The following KCNG2 variants were observed in gnomAD, a reference collection of about 807,000 sequenced individuals.
KCNG2 encodes potassium voltage-gated channel modifier subfamily G member 2.
Under a neutral mutation model 12.3 loss-of-function variants are expected in KCNG2, and 7 were observed. The ratio of observed to expected loss-of-function variants is 0.57; its 90% CI spans 0.32 to 1.07. KCNG2 has a LOEUF of 1.07. Among genes scored for constraint, KCNG2 ranks in the 50% least tolerant of loss-of-function variants. The probability of loss-of-function intolerance (pLI) is 0.04; values close to 1 mark genes in which losing one functional copy is unlikely to be tolerated. For missense variants in KCNG2, 703 were observed against 726.0 expected, an observed-to-expected ratio of 0.97 and a Z score of 0.36; for synonymous variants, 414 against 351.4, an observed-to-expected ratio of 1.18 and a Z score of -1.99.
chr18:79,890,907 A>G (rs1980722311), intron 3 of KCNG2, among the ~76,000 whole-genome samples: 1 of 151,934 alleles, frequency 6.6e-6, no homozygotes, highest in South Asian at 2.1e-4. Context: ...CATGAATCAC[A>G]TCTCTGCTTT....
At chr18:79,898,292 C>T (rs1459715734) in intron 3 of KCNG2, among the ~76,000 whole-genome samples, 2 of 152,210 alleles carry the variant, frequency 1.3e-5, no homozygotes, top group Admixed American at 6.5e-5. Context: ...TGACACCCTC[C>T]CTCTCTAGGA....
At chr18:79,812,258 T>C (rs960395365) in intron 1 of KCNG2, among the ~76,000 whole-genome samples, 3 of 152,130 alleles carry the variant, frequency 2.0e-5, no homozygotes, top group African/African-American at 7.2e-5. Context: ...CAGAGCAGCA[T>C]ATGTGAGATA....
intron 3 of KCNG2, among the ~76,000 whole-genome samples, chr18:79,867,911 A>G (rs1035411910): frequency 2.1e-4 from 32 of 152,224 alleles, no homozygotes; most frequent in Non-Finnish European, 4.4e-4. Context: ...CACAGCAAGA[A>G]GCTGAACTGA....
chr18:79,859,409 G>C (rs1254970390), intron 2 of KCNG2, among the ~76,000 whole-genome samples: 1 of 152,244 alleles, frequency 6.6e-6, no homozygotes, highest in South Asian at 2.1e-4. Context: ...GGCAGCTCCA[G>C]TCATGGCAGA....
At chr18:79,893,210 T>C (rs1465278256) in intron 3 of KCNG2, among the ~76,000 whole-genome samples, 1 of 152,208 alleles carries the variant, frequency 6.6e-6, no homozygotes, top group Non-Finnish European at 1.5e-5. Context: ...CTTCACTCCA[T>C]TCACATCTAA....
intron 3 of KCNG2, among the ~76,000 whole-genome samples, chr18:79,869,564 T>G (rs1468805563): frequency 6.6e-6 from 1 of 152,162 alleles, no homozygotes; most frequent in Non-Finnish European, 1.5e-5. Flanking sequence ...CCAAGCAGGC[T>G]CTGTCCTCTG....
At chr18:79,889,807 C>G (rs1980683295) in intron 3 of KCNG2, among the ~76,000 whole-genome samples, 2 of 152,230 alleles carry the variant, frequency 1.3e-5, no homozygotes, top group Admixed American at 1.3e-4. Flanking sequence ...ACGTTAGCGT[C>G]TCGTTCCTGA....
At chr18:79,885,619 G>A (rs530106661) in intron 3 of KCNG2, among the ~76,000 whole-genome samples, 8 of 152,244 alleles carry the variant, frequency 5.3e-5, no homozygotes, top group East Asian at 1.9e-4. Flanking sequence ...AAGGGCTTGC[G>A]TGGAAGGCAG....
intron 1 of KCNG2, among the ~76,000 whole-genome samples, chr18:79,808,032 C>T (rs2087465781): frequency 7.5e-6 from 1 of 132,576 alleles, no homozygotes; most frequent in Non-Finnish European, 1.6e-5. Flanking sequence ...GCCGCGCTGA[C>T]CACACTCCAC....
At position 79,866,307 on chromosome 18, in the gene KCNG2, GTGGGTGCTGAGGTC is replaced by G. The variant is rs1393226050; in HGVS notation, c.624+2033_624+2046del. 1.6e-4 allele frequency among the ~76,000 whole-genome samples: 22 copies of G among 137,582 alleles called. No homozygotes were observed. The South Asian group carries it at 3.3e-3, about 20-fold the overall frequency. 90.3% of individuals were successfully genotyped at this position (137,582 alleles called of 152,430 possible). A position where few individuals can be genotyped will look rare whatever the true frequency, so the allele number is the denominator to read the frequency against. On this transcript the variant is annotated intron_variant, in intron 3 of 3. Coordinates refer to ENST00000316249, the MANE Select transcript of KCNG2 (RefSeq NM_012283.2). ...GATGAGAGGTCTGTGTGCTGAGAGTGTGGGTGCTGAGGTCTGGGTGCTGAGGTCTGTGTGCTGAG... is the reference window on the plus strand; with the variant it reads ...GATGAGAGGTCTGTGTGCTGAGAGTGTGGGTGCTGAGGTCTGTGTGCTGAG...
chr18:79,833,125 T>C (rs1276521623), intron 1 of KCNG2, among the ~76,000 whole-genome samples: 2 of 152,200 alleles, frequency 1.3e-5, no homozygotes, highest in Non-Finnish European at 2.9e-5. Context: ...CCTAAATCTC[T>C]CTTGCTACAG....
At chr18:79,880,850 CTGTTCAT>C (rs1980267407) in intron 3 of KCNG2, among the ~76,000 whole-genome samples, 3 of 152,208 alleles carry the variant, frequency 2.0e-5, no homozygotes, top group African/African-American at 7.2e-5. Context: ...AAAATGCCAG[CTGTTCAT>C]CTCAACAGAT....
rs2087424515 is a variant in KCNG2 at position 79,803,181 on chromosome 18, A to C, written c.-115+5167A>C. 6.6e-6 allele frequency among the ~76,000 whole-genome samples: 1 copy of C among 152,150 alleles called. No homozygotes were observed. Among genetic ancestry groups the C allele is most frequent in the Non-Finnish European group, 1.5e-5 (1 of 68,012 alleles). On this transcript the variant is annotated intron_variant, in intron 1 of 3. Transcript: ENST00000316249. The surrounding 1 kb of genome is among the most constrained non-coding windows in gnomAD (Gnocchi z 4.5). ...TGACAGAGCAAGACTCTGTCTCAAA[A>C]AAAAAATAGTTAACACTCATGAGAT... is the stretch of plus-strand genomic sequence containing the variant.
chr18:79,857,786 C>T (rs908486826), intron 2 of KCNG2, among the ~76,000 whole-genome samples: 4 of 151,788 alleles, frequency 2.6e-5, no homozygotes, highest in Non-Finnish European at 4.4e-5. Context: ...ATTCACCTAA[C>T]GTTATATTTA....
Position 79,843,852 on chromosome 18 carries a change from A to C in KCNG2, c.-114-12527A>C, listed in dbSNP as rs558755038. 6.6e-5 allele frequency among the ~76,000 whole-genome samples: 10 copies of C among 152,368 alleles called. 1 individual carries two copies. The South Asian group carries it at 2.1e-3, about 32-fold the overall frequency. Reference sequence around the variant, plus strand: ...TACAAAACAGTTGAGAACAATTAACAAAATGGTGGTAGTAATTTCTAACCT... The same window carrying C: ...TACAAAACAGTTGAGAACAATTAACCAAATGGTGGTAGTAATTTCTAACCT... On this transcript the variant is annotated intron_variant, in intron 1 of 3. Coordinates refer to ENST00000316249, the MANE Select transcript of KCNG2 (RefSeq NM_012283.2).
chr18:79,867,016 TGTGCTGAGAGGTCTGG>T (rs1979610834), intron 3 of KCNG2, among the ~76,000 whole-genome samples: 3 of 100,816 alleles, frequency 3.0e-5, no homozygotes, highest in Non-Finnish European at 7.0e-5. Flanking sequence ...GAGAGGTCTG[TGTGCTGAGAGGTCTGG>T]GTGCCGAGGT....
intron 1 of KCNG2, among the ~76,000 whole-genome samples, chr18:79,820,213 C>G (rs868736884): frequency 2.0e-5 from 3 of 152,348 alleles, no homozygotes; most frequent in African/African-American, 7.2e-5. Flanking sequence ...GTTTGAGTCC[C>G]TGTTTTCACT....
chr18:79,887,876 C>T (rs1056854576), intron 3 of KCNG2, among the ~76,000 whole-genome samples: 7 of 152,170 alleles, frequency 4.6e-5, no homozygotes, highest in Non-Finnish European at 1.0e-4. Context: ...GAATGTCGAT[C>T]AAGACTTCAC....
intron 1 of KCNG2, among the ~76,000 whole-genome samples, chr18:79,809,675 G>C (rs1053569188): frequency 2.8e-4 from 43 of 152,222 alleles, no homozygotes; most frequent in Admixed American, 2.8e-3. Flanking sequence ...CGGGTGCCCA[G>C]CGCACCTGCC....
Sources: gnomAD v4.1 joint callset for allele counts (sites outside exome capture counted in the v4.1 genomes callset) on GRCh38, gnomAD v4.1.1 for gene constraint, Gnocchi (gnomAD v3.1) non-coding constraint, MANE v1.5 for transcripts, NCBI Gene and HGNC (gene_info 2026-07-23, HGNC 2026-07-21) for gene names.